The following PCDH15 variants were observed in gnomAD, a reference collection of about 807,000 sequenced individuals.
The protein encoded by PCDH15 is protocadherin-15.
In PCDH15, 129 loss-of-function variants were observed where a neutral mutation model predicts 178.5. The observed-to-expected ratio is 0.72, with a 90% CI of 0.63 to 0.84. The LOEUF is 0.84. Ranked by LOEUF, PCDH15 falls within the 40% of genes least tolerant of loss-of-function variation. PCDH15 has a pLI of 0.00. For synonymous variants in PCDH15, 800 were observed against 732.0 expected (o/e 1.09, Z -1.50); for missense variants, 2,230 against 2,099.9 (o/e 1.06, Z -1.21).
intron 2 of PCDH15, among the ~76,000 whole-genome samples, chr10:55,364,841 G>C (rs550101296): frequency 6.6e-6 from 1 of 151,918 alleles, no homozygotes; most frequent in South Asian, 2.1e-4. Flanking sequence ...GCCCTCTTTT[G>C]TCTCCCTTCT....
At chr10:54,894,196 G>T (rs1449944601) in intron 3 of PCDH15, among the ~76,000 whole-genome samples, 1 of 152,048 alleles carries the variant, frequency 6.6e-6, no homozygotes, top group East Asian at 1.9e-4. Flanking sequence ...CTAATACAAT[G>T]TATTGTCAAT....
chr10:54,578,374 A>T (rs2090718444), intron 2 of PCDH15, among the ~76,000 whole-genome samples: 1 of 152,100 alleles, frequency 6.6e-6, no homozygotes, highest in Non-Finnish European at 1.5e-5. Context: ...CATTTGGAAA[A>T]ATTTAATATT....
intron 2 of PCDH15, among the ~76,000 whole-genome samples, chr10:55,598,541 TATATATATA>T (rs2132140206): frequency 4.1e-5 from 2 of 49,218 alleles, no homozygotes; most frequent in Non-Finnish European, 7.9e-5. Flanking sequence ...TATATATATA[TATATATATA>T]TATATATATA....
At chr10:54,863,856 A>C (rs1409320805) in intron 3 of PCDH15, among the ~76,000 whole-genome samples, 4 of 152,188 alleles carry the variant, frequency 2.6e-5, no homozygotes, top group Admixed American at 2.0e-4. Flanking sequence ...GATGTAACTA[A>C]GTTTCAAGTG....
intron 8 of PCDH15, among the ~76,000 whole-genome samples, chr10:54,307,102 GTGTATATATATATATATATATATA>G (rs2060585592): frequency 1.7e-4 from 2 of 11,736 alleles, no homozygotes; most frequent in African/African-American, 4.1e-4. Flanking sequence ...ATGTGTGTGT[GTGTATATATATATATATATATATA>G]TATATATATA....
intron 15 of PCDH15, among the ~76,000 whole-genome samples, chr10:54,097,237 C>T (rs1302139142): frequency 6.6e-6 from 1 of 152,184 alleles, no homozygotes; most frequent in Admixed American, 6.5e-5. Flanking sequence ...TAATTTCGTG[C>T]AGAGTAATTA....
intron 1 of PCDH15, among the ~76,000 whole-genome samples, chr10:55,169,526 A>T (rs1484593017): frequency 6.6e-6 from 1 of 152,178 alleles, no homozygotes; most frequent in Admixed American, 6.5e-5. Flanking sequence ...TCCACCTTCA[A>T]CCAAACCTGA....
chr10:55,201,304 G>T (rs1460910615), intron 1 of PCDH15, among the ~76,000 whole-genome samples: 1 of 151,976 alleles, frequency 6.6e-6, no homozygotes, highest in Non-Finnish European at 1.5e-5. Flanking sequence ...ATAATAAGAT[G>T]ATCTGAATCA....
rs570828851 is a variant in PCDH15 at position 54,972,800 on chromosome 10, C to G, written c.-79-75300G>C. On this transcript the variant is annotated intron_variant, in intron 2 of 5. Transcript: ENST00000458638. Reference sequence around the variant, plus strand: ...GGAGACGGAGGTTGCAGTGAGCTGACATCGCGCCACTGCACTCCAGCCTAG... The same window carrying G: ...GGAGACGGAGGTTGCAGTGAGCTGAGATCGCGCCACTGCACTCCAGCCTAG... 3.7e-3 allele frequency among the ~76,000 whole-genome samples: 484 copies of G among 130,280 alleles called. 3 individuals are homozygous for G. The highest frequency in any genetic ancestry group is 0.014 in the African/African-American group (471 of 34,824). The allele number at this position is 130,280 out of a possible 152,430, so 85.5% of individuals were successfully genotyped here.
At chr10:54,770,813 C>A (rs1301322646) in intron 1 of PCDH15, among the ~76,000 whole-genome samples, 4 of 151,956 alleles carry the variant, frequency 2.6e-5, no homozygotes, top group African/African-American at 9.7e-5. Context: ...TCATGAGTTC[C>A]CCTTCACTAG....
At chr10:55,137,848 T>C (rs1339644122) in intron 2 of PCDH15, among the ~76,000 whole-genome samples, 4 of 152,082 alleles carry the variant, frequency 2.6e-5, no homozygotes, top group Non-Finnish European at 4.4e-5. Context: ...CCTTTAGTCC[T>C]GGTGGAAATT....
At chr10:54,639,449 G>C (rs1046872797) in intron 2 of PCDH15, among the ~76,000 whole-genome samples, 2 of 151,928 alleles carry the variant, frequency 1.3e-5, no homozygotes, top group South Asian at 2.1e-4. Flanking sequence ...AAAAAAAAAG[G>C]TCTCAGAAGT....
chr10:54,961,853 C>T (rs930865909), intron 2 of PCDH15, among the ~76,000 whole-genome samples: 2 of 152,156 alleles, frequency 1.3e-5, no homozygotes, highest in African/African-American at 4.8e-5. Flanking sequence ...GATGACCTGT[C>T]TGCAGATAGG....
At chr10:54,391,061 T>G (rs1265237961) in intron 3 of PCDH15, among the ~76,000 whole-genome samples, 1 of 152,186 alleles carries the variant, frequency 6.6e-6, no homozygotes, top group Admixed American at 6.5e-5. Context: ...TGTGCTCTTA[T>G]TGCATTTTAT....
intron 2 of PCDH15, among the ~76,000 whole-genome samples, chr10:55,079,092 G>C (rs541872122): frequency 3.7e-4 from 57 of 152,074 alleles, no homozygotes; most frequent in Non-Finnish European, 5.7e-4. Flanking sequence ...TTTATTCTGG[G>C]ATTTTGGGAC....
chr10:55,058,342 C>A (rs975039340), intron 2 of PCDH15, among the ~76,000 whole-genome samples: 6 of 152,088 alleles, frequency 3.9e-5, no homozygotes, highest in Admixed American at 3.9e-4. Context: ...TCCAGAATAG[C>A]TGAGACAATA....
At position 54,816,069 on chromosome 10, in the gene PCDH15, C is replaced by T. The variant is rs1591717622; in HGVS notation, c.-29+81381G>A. 2.0e-5 allele frequency among the ~76,000 whole-genome samples: 3 copies of T among 151,882 alleles called. No homozygotes were observed. The East Asian group carries it at 5.8e-4, about 29-fold the overall frequency. On this transcript the variant is annotated intron_variant, in intron 3 of 5. Coordinates refer to the PCDH15 transcript ENST00000458638. ...GGTGTAGGTGTTGGCACCTCTAACC[C>T]CTGTGTTGTTAAGAGTCAACCATAC...
At chr10:55,388,506 G>T (rs1214023994) in intron 2 of PCDH15, among the ~76,000 whole-genome samples, 2 of 152,012 alleles carry the variant, frequency 1.3e-5, no homozygotes, top group Non-Finnish European at 2.9e-5. Flanking sequence ...TGTCTGGATG[G>T]AGGTATTTTT....
chr10:54,505,705 T>A (rs1024307116), intron 3 of PCDH15, among the ~76,000 whole-genome samples: 1 of 151,738 alleles, frequency 6.6e-6, no homozygotes, highest in Admixed American at 6.6e-5. Context: ...AGATGACGGG[T>A]CGATGGGAGC....
Sources: gnomAD v4.1 joint callset for allele counts (sites outside exome capture counted in the v4.1 genomes callset) on GRCh38, gnomAD v4.1.1 for gene constraint, MANE v1.5 for transcripts, NCBI Gene and HGNC (gene_info 2026-07-23, HGNC 2026-07-21) for gene names.